The following TFPI variants were observed in gnomAD, a reference collection of about 807,000 sequenced individuals.
TFPI encodes the protein anti-convertin.
In TFPI, 15 loss-of-function variants were observed where a neutral mutation model predicts 34.6. That is an observed-to-expected ratio of 0.43 (90% CI 0.29 to 0.67). The LOEUF (loss-of-function observed/expected upper bound fraction) is 0.67, where lower values mean the gene tolerates loss of function less well. Among genes scored for constraint, TFPI ranks in the 30% least tolerant of loss-of-function variants. The pLI, the probability that TFPI is intolerant of heterozygous loss-of-function variation, is 0.15. For synonymous variants in TFPI, 105 were observed against 120.1 expected (o/e 0.87, Z 0.82); for missense variants, 301 against 364.0 (o/e 0.83, Z 1.41).
chr2:187,492,249 C>G lies in TFPI; in HGVS notation c.320-3874G>C, dbSNP rs1295888663. On this transcript the variant is annotated intron_variant, in intron 3 of 7. Transcript: ENST00000233156. Reference sequence around the variant, plus strand: ...CTCTCATTTGGCTATTTTTGTTTCTCTTGCATTTGCTTTTGAGGATTTAGT... The same window carrying G: ...CTCTCATTTGGCTATTTTTGTTTCTGTTGCATTTGCTTTTGAGGATTTAGT... 3.3e-5 allele frequency among the ~76,000 whole-genome samples: 5 copies of G among 152,040 alleles called. No homozygotes were observed. In the South Asian group the frequency reaches 8.3e-4, roughly 25 times the overall value.
At chr2:187,506,510 T>C (rs1686231726) in intron 1 of TFPI, among the ~76,000 whole-genome samples, 1 of 152,130 alleles carries the variant, frequency 6.6e-6, no homozygotes, top group Non-Finnish European at 1.5e-5. Flanking sequence ...AATATCCTTA[T>C]CTTTTCCCCA....
At chr2:187,483,986 A>G in intron 6 of TFPI, 138 bp downstream of exon 6, 2 of 696,812 alleles carry the variant, frequency 2.9e-6, no homozygotes, top group Non-Finnish European at 4.8e-6. Flanking sequence ...TTTGAATCTC[A>G]GTATTTCAAC....
chr2:187,513,528 G>C (rs990777150), intron 1 of TFPI: 1 of 152,310 alleles, frequency 6.6e-6, no homozygotes, highest in African/African-American at 2.4e-5. Context: ...TTTAGCACAC[G>C]TACCACCCCT....
chr2:187,520,856 C>T (rs1270968118), intron 1 of TFPI, among the ~76,000 whole-genome samples: 1 of 151,964 alleles, frequency 6.6e-6, no homozygotes, highest in Non-Finnish European at 1.5e-5. Flanking sequence ...CTCAAATGGT[C>T]TCCTGGCTTT....
intron 1 of TFPI, among the ~76,000 whole-genome samples, chr2:187,553,029 A>G (rs187998214): frequency 2.0e-5 from 3 of 152,198 alleles, no homozygotes; most frequent in East Asian, 1.9e-4. Flanking sequence ...TTCAGGGACT[A>G]TCCCTCTTTA....
At chr2:187,472,018 A>G (rs1466874033) in intron 6 of TFPI, among the ~76,000 whole-genome samples, 1 of 152,102 alleles carries the variant, frequency 6.6e-6, no homozygotes, top group African/African-American at 2.4e-5. Context: ...TAAATTATTT[A>G]CTGCAAATTA....
At chr2:187,525,875 T>A (rs1328058029) in intron 1 of TFPI, among the ~76,000 whole-genome samples, 1 of 152,130 alleles carries the variant, frequency 6.6e-6, no homozygotes, top group Non-Finnish European at 1.5e-5. Context: ...ATGGCAGCCC[T>A]AGCCAACTAA....
At chr2:187,478,630 A>C in intron 6 of TFPI, 1 of 1,591,566 alleles carries the variant, frequency 6.3e-7, no homozygotes, top group South Asian at 1.1e-5. Flanking sequence ...TATCAAAGGC[A>C]TCACGTATAC....
chr2:187,508,546 T>C (rs776761008), intron 1 of TFPI, among the ~76,000 whole-genome samples: 30 of 152,196 alleles, frequency 2.0e-4, no homozygotes, highest in Admixed American at 2.6e-4. Flanking sequence ...GTTTTATTCC[T>C]AGGTATTTTA....
At chr2:187,505,046 A>AAT (rs529707982) in intron 1 of TFPI, among the ~76,000 whole-genome samples, 65 of 151,368 alleles carry the variant, frequency 4.3e-4, no homozygotes, top group East Asian at 1.2e-3. Flanking sequence ...TGAATTCACA[A>AAT]ATATATATAT....
chr2:187,495,236 AT>A (rs1430351467), intron 3 of TFPI, among the ~76,000 whole-genome samples: 12 of 152,222 alleles, frequency 7.9e-5, no homozygotes, highest in African/African-American at 2.7e-4. Flanking sequence ...ACAGGTATAT[AT>A]TTCAGGAAAG....
At chr2:187,471,957 CAA>C (rs1275613133) in intron 6 of TFPI, among the ~76,000 whole-genome samples, 1 of 151,798 alleles carries the variant, frequency 6.6e-6, no homozygotes, top group Non-Finnish European at 1.5e-5. Context: ...AATTGAATAA[CAA>C]ATCTTTTTTA....
chr2:187,479,916 A>G (rs1692715637), intron 6 of TFPI, among the ~76,000 whole-genome samples: 1 of 151,994 alleles, frequency 6.6e-6, no homozygotes, highest in African/African-American at 2.4e-5. Context: ...TAATCATTCA[A>G]ATTGGAATAA....
Position 187,466,331 on chromosome 2 carries a change from G to A in TFPI, c.*605C>T, listed in dbSNP as rs1257271483. 1 of 152,034 alleles carries A rather than the reference G, an allele frequency of 6.6e-6. No homozygotes were observed. Among genetic ancestry groups the A allele is most frequent in the Non-Finnish European group, 1.5e-5 (1 of 68,006 alleles). 9.4% of individuals were successfully genotyped at this position (152,034 alleles called of 1,614,324 possible). A position where few individuals can be genotyped will look rare whatever the true frequency, so the allele number is the denominator to read the frequency against. ...ACCAATCCAAATCAGGCAGGCACATGATGCAGAGTTGACTGTTCAAAGACA... is the reference window on the plus strand; with the variant it reads ...ACCAATCCAAATCAGGCAGGCACATAATGCAGAGTTGACTGTTCAAAGACA... On this transcript the variant is annotated 3_prime_UTR_variant, in exon 8 of 8. Coordinates refer to ENST00000233156, the MANE Select transcript of TFPI (RefSeq NM_006287.6).
intron 6 of TFPI, among the ~76,000 whole-genome samples, chr2:187,481,369 G>A (rs1692841154): frequency 6.6e-6 from 1 of 152,068 alleles, no homozygotes; most frequent in Non-Finnish European, 1.5e-5. Flanking sequence ...AGTGACAGAT[G>A]TAATTATATT....
chr2:187,472,075 C>A (rs1692073916), intron 6 of TFPI, among the ~76,000 whole-genome samples: 1 of 151,868 alleles, frequency 6.6e-6, no homozygotes, highest in South Asian at 2.1e-4. Context: ...AAATGTAAAA[C>A]AAAATTTATC....
At chr2:187,550,716 A>G (rs1459068845) in intron 1 of TFPI, among the ~76,000 whole-genome samples, 2 of 152,228 alleles carry the variant, frequency 1.3e-5, no homozygotes, top group Admixed American at 1.3e-4. Flanking sequence ...AAGTTGTATT[A>G]CATTTTAATA....
chr2:187,533,604 G>A (rs1404214580), intron 1 of TFPI, among the ~76,000 whole-genome samples: 5 of 152,200 alleles, frequency 3.3e-5, no homozygotes, highest in African/African-American at 9.6e-5. Flanking sequence ...CCAGAAAGAT[G>A]AGGAAAAACC....
chr2:187,521,594 A>G (rs935470889), intron 1 of TFPI, among the ~76,000 whole-genome samples: 7 of 151,956 alleles, frequency 4.6e-5, no homozygotes, highest in African/African-American at 1.7e-4. Context: ...TTTGAGACAG[A>G]GTCTCACTCT....
Sources: gnomAD v4.1 joint callset for allele counts (sites outside exome capture counted in the v4.1 genomes callset) on GRCh38, gnomAD v4.1.1 for gene constraint, MANE v1.5 for transcripts, NCBI Gene and HGNC (gene_info 2026-07-23, HGNC 2026-07-21) for gene names.